Variants in RPTOR observed in about 807,000 individuals in gnomAD.
RPTOR encodes the protein regulatory associated protein of MTOR complex 1.
In RPTOR, 21 loss-of-function variants were observed where a neutral mutation model predicts 169.9. The ratio of observed to expected loss-of-function variants is 0.12; its 90% confidence interval spans 0.09 to 0.18. The LOEUF is 0.18. Among genes scored for constraint, RPTOR ranks in the 10% least tolerant of loss-of-function variants. The probability of loss-of-function intolerance (pLI) is 1.00; values close to 1 mark genes in which losing one functional copy is unlikely to be tolerated. For synonymous variants in RPTOR, 732 were observed against 753.2 expected (o/e 0.97, Z 0.46); for missense variants, 1,133 against 1,855.9 (o/e 0.61, Z 7.16).
Position 80,965,448 on chromosome 17 carries a change from A to G in RPTOR, c.*1118A>G. On this transcript the variant is annotated 3_prime_UTR_variant, in exon 34 of 34. Transcript: ENST00000306801. Reference sequence around the variant, plus strand: ...TGTGGTGCAGACAGGAGCTGTGTGGACAGTCCCGCCCAGGAGGGGCCGCAG... The same window carrying G: ...TGTGGTGCAGACAGGAGCTGTGTGGGCAGTCCCGCCCAGGAGGGGCCGCAG... 1 of 233,378 alleles carries G rather than the reference A, an allele frequency of 4.3e-6. No individual in the cohort carries two copies. Among genetic ancestry groups the G allele is most frequent in the East Asian group, 6.0e-5 (1 of 16,594 alleles). The allele number at this position is 233,378 out of a possible 1,614,324, so 14.5% of individuals were successfully genotyped here.
rs1436782452 is a variant in RPTOR, at chr17:80,964,771, A to G, written c.*441A>G. ...TGGGGCAGCTGTCCCCATCAGGCCA[A>G]GAGCGAGCGAGAGGCGCTGCCCCAG... On this transcript the variant is annotated 3_prime_UTR_variant, in exon 34 of 34. Coordinates refer to ENST00000306801, the MANE Select transcript of RPTOR (RefSeq NM_020761.3). 7.9e-6 allele frequency: 2 copies of G among 254,240 alleles called. No individual in the cohort carries two copies. Among genetic ancestry groups the G allele is most frequent in the Non-Finnish European group, 1.5e-5 (2 of 130,594 alleles). The allele number at this position is 254,240 out of a possible 1,614,324, so 15.7% of individuals were successfully genotyped here. A position where few individuals can be genotyped will look rare whatever the true frequency, so the allele number is the denominator to read the frequency against.
intron 7 of RPTOR, among the ~76,000 whole-genome samples, chr17:80,793,521 C>T (rs938902392): frequency 1.3e-5 from 2 of 152,100 alleles, no homozygotes; most frequent in African/African-American, 4.8e-5. Context: ...CTTTCTCCTC[C>T]GCCTGGTAGC....
intron 3 of RPTOR, among the ~76,000 whole-genome samples, chr17:80,706,755 G>C (rs2066145043): frequency 6.6e-6 from 1 of 152,182 alleles, no homozygotes; most frequent in African/African-American, 2.4e-5. Context: ...TTCAGTAGCA[G>C]CTTAGCTCCT....
intron 1 of RPTOR, among the ~76,000 whole-genome samples, chr17:80,563,402 G>A (rs1477954415): frequency 2.7e-5 from 4 of 150,820 alleles, no homozygotes; most frequent in Non-Finnish European, 5.9e-5. Flanking sequence ...GTGTGGTGGC[G>A]GCCGCCTGTA....
At chr17:80,834,653 G>C (rs1222213650) in intron 9 of RPTOR, among the ~76,000 whole-genome samples, 2 of 152,222 alleles carry the variant, frequency 1.3e-5, no homozygotes, top group African/African-American at 2.4e-5. Context: ...TGTCACCCGT[G>C]GCTCTGACAC....
chr17:80,776,533 C>T (rs1004957130), intron 6 of RPTOR, among the ~76,000 whole-genome samples: 10 of 151,958 alleles, frequency 6.6e-5, no homozygotes, highest in African/African-American at 2.4e-4. Context: ...ACCATGCTGG[C>T]CGGGCTGGTC....
At chr17:80,833,056 G>T (rs1190312712) in intron 9 of RPTOR, among the ~76,000 whole-genome samples, 1 of 152,060 alleles carries the variant, frequency 6.6e-6, no homozygotes, top group Non-Finnish European at 1.5e-5. Context: ...AATTTCAGGG[G>T]TCCTGAAACC....
chr17:80,615,059 C>T (rs971495610), intron 1 of RPTOR, among the ~76,000 whole-genome samples: 24 of 152,248 alleles, frequency 1.6e-4, no homozygotes, highest in Middle Eastern at 3.4e-3. Context: ...ATCATTCTTA[C>T]GTAGATGGCA....
chr17:80,682,980 T>C (rs1472365045), intron 3 of RPTOR, among the ~76,000 whole-genome samples: 1 of 152,070 alleles, frequency 6.6e-6, no homozygotes, highest in African/African-American at 2.4e-5. Flanking sequence ...TATTTATTTT[T>C]TGTAGAGATG....
At chr17:80,768,137 C>T (rs55633095) in intron 6 of RPTOR, among the ~76,000 whole-genome samples, 10,104 of 152,298 alleles carry the variant, frequency 0.066, 454 homozygotes, top group Admixed American at 0.1. Context: ...GCTGGGATTA[C>T]AGGCGTGAGC....
At chr17:80,620,342 C>G (rs2065345439) in intron 1 of RPTOR, among the ~76,000 whole-genome samples, 2 of 152,094 alleles carry the variant, frequency 1.3e-5, no homozygotes, top group South Asian at 4.1e-4. Context: ...TTTGATAGCC[C>G]TTACATTTTA....
chr17:80,908,678 G>T lies in RPTOR; in HGVS notation c.2402-133G>T, dbSNP rs910565255. 5 of 670,016 alleles carry T rather than the reference G, an allele frequency of 7.5e-6. No individual in the cohort carries two copies. In the African/African-American group the frequency reaches 8.9e-5, roughly 12 times the overall value. 41.5% of individuals were successfully genotyped at this position (670,016 alleles called of 1,614,324 possible). ...ACCCGTTGCCAGAATAACAAAATGGGGGCTTCCTGTAACCTCGGCTCTTTA... is the reference window on the plus strand; with the variant it reads ...ACCCGTTGCCAGAATAACAAAATGGTGGCTTCCTGTAACCTCGGCTCTTTA... On this transcript the variant is annotated intron_variant, in intron 20 of 33. Coordinates refer to ENST00000306801, the MANE Select transcript of RPTOR (RefSeq NM_020761.3).
Position 80,822,693 on chromosome 17 carries a change from A to G in RPTOR, c.992-386A>G, listed in dbSNP as rs781308501. Among the ~76,000 whole-genome samples, 11 of 152,254 alleles carry G rather than the reference A, an allele frequency of 7.2e-5. 1 individual carries two copies. Among genetic ancestry groups the G allele is most frequent in the Non-Finnish European group, 1.6e-4 (11 of 68,020 alleles). On this transcript the variant is annotated intron_variant, in intron 8 of 33. Transcript: ENST00000306801. ...GGGGTGTTTGTTCACATGTACGTAT[A>G]TGTGCACTGTGTGTGTACATGTGTA...
At chr17:80,553,810 C>A (rs960668262) in intron 1 of RPTOR, among the ~76,000 whole-genome samples, 1 of 151,686 alleles carries the variant, frequency 6.6e-6, no homozygotes, top group Admixed American at 6.6e-5. Flanking sequence ...GGCGCGATCT[C>A]GGCTCACTGC....
At chr17:80,660,219 C>T (rs1044175358) in intron 3 of RPTOR, among the ~76,000 whole-genome samples, 2 of 149,144 alleles carry the variant, frequency 1.3e-5, no homozygotes, top group Non-Finnish European at 3.0e-5. Context: ...TGCAGTGAGC[C>T]GAGATCGCAC....
At chr17:80,915,020 C>A (rs1380504165) in intron 21 of RPTOR, among the ~76,000 whole-genome samples, 5 of 152,254 alleles carry the variant, frequency 3.3e-5, no homozygotes, top group African/African-American at 1.2e-4. Context: ...CTGGACTCAG[C>A]CAGACTCAAG....
chr17:80,840,627 A>C (rs2067625803), intron 10 of RPTOR, among the ~76,000 whole-genome samples: 1 of 68,004 alleles, frequency 1.5e-5, no homozygotes, highest in Admixed American at 2.0e-4. Flanking sequence ...ACCACAGCTC[A>C]CTCTCACCGC....
intron 31 of RPTOR, 153 bp downstream of exon 31, chr17:80,961,633 C>A: frequency 2.2e-6 from 2 of 907,652 alleles, no homozygotes; most frequent in Non-Finnish European, 3.2e-6. Context: ...AAAGATCAGG[C>A]GCAGCCCGTA....
intron 1 of RPTOR, among the ~76,000 whole-genome samples, chr17:80,546,310 C>T (rs998066714): frequency 1.3e-5 from 2 of 152,198 alleles, no homozygotes; most frequent in Non-Finnish European, 1.5e-5. Context: ...GTCTTCTAAA[C>T]AATTTCTCTT....
Sources: allele counts gnomAD v4.1 joint callset (sites outside exome capture counted in the v4.1 genomes callset), GRCh38; gene constraint gnomAD v4.1.1; transcripts MANE v1.5; gene names NCBI Gene and HGNC (gene_info 2026-07-23, HGNC 2026-07-21).